C1orf159: variants seen among roughly 807,000 people sequenced by gnomAD.
The protein encoded by C1orf159 is uncharacterized protein C1orf159.
In C1orf159, 19 loss-of-function variants were observed where a neutral mutation model predicts 25.6. The ratio of observed to expected loss-of-function variants is 0.74; its 90% CI spans 0.52 to 1.09. The LOEUF (loss-of-function observed/expected upper bound fraction) is 1.09, where lower values mean the gene tolerates loss of function less well. Among genes scored for constraint, C1orf159 ranks in the 50% least tolerant of loss-of-function variants. C1orf159 has a pLI of 0.00. For synonymous variants in C1orf159, 139 were observed against 124.7 expected, an observed-to-expected ratio of 1.12 and a Z score of -0.77; for missense variants, 274 against 290.6, an observed-to-expected ratio of 0.94 and a Z score of 0.42.
intron 1 of C1orf159, among the ~76,000 whole-genome samples, chr1:1,113,900 G>A (rs549951641): frequency 3.3e-5 from 5 of 150,098 alleles, no homozygotes; most frequent in East Asian, 2.0e-4. Context: ...TTGTGCGCAC[G>A]CTCCCTCGAG....
chr1:1,084,740 C>A (rs992330946), intron 7 of C1orf159, among the ~76,000 whole-genome samples: 9 of 152,118 alleles, frequency 5.9e-5, no homozygotes, highest in African/African-American at 2.2e-4. Flanking sequence ...GGTGCGGGGG[C>A]CTCCCTAGCA....
At chr1:1,090,750 GC>G (rs932532290) in intron 3 of C1orf159, 8 of 859,776 alleles carry the variant, frequency 9.3e-6, no homozygotes, top group Non-Finnish European at 1.1e-5. Flanking sequence ...GTCTCCGGAG[GC>G]TCTCCATCAG....
chr1:1,093,919 G>A (rs1438940172), intron 1 of C1orf159, among the ~76,000 whole-genome samples: 1 of 152,166 alleles, frequency 6.6e-6, no homozygotes, highest in African/African-American at 2.4e-5. Flanking sequence ...GTGCACGCAG[G>A]GTGTCCGTGC....
intron 1 of C1orf159, among the ~76,000 whole-genome samples, chr1:1,107,183 G>A (rs1016168848): frequency 5.3e-5 from 8 of 152,270 alleles, no homozygotes; most frequent in African/African-American, 1.2e-4. Flanking sequence ...CTCTGCCTGC[G>A]GCCAGGCGCT....
chr1:1,083,458 G>A (rs575115701), intron 9 of C1orf159: 46 of 205,862 alleles, frequency 2.2e-4, no homozygotes, highest in African/African-American at 9.4e-4. Flanking sequence ...GAGAGGCAGA[G>A]AGAGAAGACG....
intron 7 of C1orf159, chr1:1,085,339 C>T: frequency 2.7e-6 from 1 of 374,306 alleles, no homozygotes; most frequent in Non-Finnish European, 5.4e-6. Context: ...CACCACGGAC[C>T]CTGCTCAGAA....
chr1:1,090,155 C>G (rs113100937), intron 4 of C1orf159, among the ~76,000 whole-genome samples, 198 bp downstream of exon 4: 408 of 152,334 alleles, frequency 2.7e-3, no homozygotes, highest in Non-Finnish European at 4.2e-3. Context: ...TCTCATGAGG[C>G]TGCCGCTCAA....
chr1:1,109,520 G>A (rs1646229636), intron 1 of C1orf159, among the ~76,000 whole-genome samples: 1 of 152,080 alleles, frequency 6.6e-6, no homozygotes, highest in East Asian at 1.9e-4. Flanking sequence ...AGGCTGGAGT[G>A]CAGTGGTGCA....
rs551872784 is a variant in C1orf159 at position 1,096,257 on chromosome 1, G to A, written c.-135-4154C>T. Among the ~76,000 whole-genome samples, 7 of 152,258 alleles carry A rather than the reference G, an allele frequency of 4.6e-5. No homozygotes were observed. In the East Asian group the frequency reaches 5.8e-4, roughly 13 times the overall value. The stretch of plus-strand genomic sequence containing the variant: ...TTGCCAGGCTGGAGTGTAGTGGTGC[G>A]ATCATGGCTCACTGCCGCCTTGAGC... On this transcript the variant is annotated intron_variant, in intron 1 of 9. Coordinates refer to ENST00000421241, the MANE Select transcript of C1orf159 (RefSeq NM_017891.5).
intron 1 of C1orf159, among the ~76,000 whole-genome samples, chr1:1,102,379 CTT>C (rs756300868): frequency 6.9e-6 from 1 of 144,354 alleles, no homozygotes. Context: ...CACTTCCACC[CTT>C]TTTTTTTTTT....
intron 1 of C1orf159, among the ~76,000 whole-genome samples, chr1:1,113,974 T>C (rs914049434): frequency 6.9e-5 from 10 of 145,522 alleles, no homozygotes; most frequent in African/African-American, 2.6e-4. Context: ...TGCAGTGCAG[T>C]GGCGCAATCT....
chr1:1,113,209 A>C (rs1216259754), intron 1 of C1orf159, among the ~76,000 whole-genome samples: 1 of 152,210 alleles, frequency 6.6e-6, no homozygotes, highest in African/African-American at 2.4e-5. Flanking sequence ...AAAAAAAAAA[A>C]AACTTGCCTC....
chr1:1,086,736 G>GT (rs1324759300), intron 6 of C1orf159, among the ~76,000 whole-genome samples: 1 of 152,162 alleles, frequency 6.6e-6, no homozygotes, highest in Non-Finnish European at 1.5e-5. Flanking sequence ...AGAGCGTGCA[G>GT]TGTGGCCGTG....
In C1orf159 at chr1:1,086,026, C is replaced by T. The variant is rs1314513455; in HGVS notation, c.311-14G>A. On this transcript the variant is annotated splice_polypyrimidine_tract_variant and intron_variant, in intron 6 of 9. Coordinates refer to ENST00000421241, the MANE Select transcript of C1orf159 (RefSeq NM_017891.5). ...CGCGCGGAGCCCCTGCAAACAGACA[C>T]CGCTGAGCAGACGGGCAGGACGGTG... 6.8e-6 allele frequency: 11 copies of T among 1,612,240 alleles called. No individual in the cohort carries two copies. Among genetic ancestry groups the T allele is most frequent in the African/African-American group, 4.0e-5 (3 of 74,938 alleles).
chr1:1,112,926 T>C (rs542117857), intron 1 of C1orf159, among the ~76,000 whole-genome samples: 22 of 152,332 alleles, frequency 1.4e-4, no homozygotes, highest in Admixed American at 6.5e-4. Context: ...TGGGGTGCGG[T>C]GGCTCACGCC....
chr1:1,111,554 G>C (rs1222692313), intron 1 of C1orf159, among the ~76,000 whole-genome samples: 1 of 151,970 alleles, frequency 6.6e-6, no homozygotes, highest in Admixed American at 6.6e-5. Flanking sequence ...ACAAAGAACT[G>C]GTTTCAAGAA....
chr1:1,114,115 C>T (rs1230860369), intron 1 of C1orf159, among the ~76,000 whole-genome samples: 1 of 152,098 alleles, frequency 6.6e-6, no homozygotes, highest in Non-Finnish European at 1.5e-5. Flanking sequence ...CGGGGTTTCA[C>T]CATATTCGCC....
At position 1,110,484 on chromosome 1, in the gene C1orf159, A is replaced by G. The variant is rs1401638273; in HGVS notation, c.-136+5576T>C. 6.6e-6 allele frequency among the ~76,000 whole-genome samples: 1 copy of G among 151,766 alleles called. No homozygotes were observed. The highest frequency in any genetic ancestry group is 6.6e-5 in the Admixed American group (1 of 15,266). On this transcript the variant is annotated intron_variant, in intron 1 of 9. Transcript: ENST00000421241. This position sits in a 1 kb window ranked among gnomAD's most constrained non-coding sequence, Gnocchi z 4.8. Reference sequence around the variant, plus strand: ...TGGTCATCAAAAAAATGGGCAAAAGACATCCTCGGACACTCAGAAAACGTG... The same window carrying G: ...TGGTCATCAAAAAAATGGGCAAAAGGCATCCTCGGACACTCAGAAAACGTG...
Position 1,082,751 on chromosome 1 carries a change from G to C in C1orf159, c.*142C>G. On this transcript the variant is annotated 3_prime_UTR_variant, in exon 10 of 10. Transcript: ENST00000421241. ...GGGACCCTTTGGCGTCCGTCGCTGG[G>C]AGGCGGAGGGACTCAGAGCCGAGGC... 1 of 739,898 alleles carries C rather than the reference G, an allele frequency of 1.4e-6. No homozygotes were observed. The allele number at this position is 739,898 out of a possible 1,614,324, so 45.8% of individuals were successfully genotyped here. A position where few individuals can be genotyped will look rare whatever the true frequency, so the allele number is the denominator to read the frequency against.
Sources: gnomAD v4.1 joint callset for allele counts (sites outside exome capture counted in the v4.1 genomes callset) on GRCh38, gnomAD v4.1.1 for gene constraint, Gnocchi (gnomAD v3.1) non-coding constraint, MANE v1.5 for transcripts, NCBI Gene and HGNC (gene_info 2026-07-23, HGNC 2026-07-21) for gene names.